LAMC2: variants seen among roughly 807,000 people sequenced by gnomAD.
LAMC2 encodes laminin subunit gamma-2.
Under a neutral mutation model 140.2 loss-of-function variants are expected in LAMC2, and 97 were observed. The observed-to-expected ratio is 0.69, with a 90% CI of 0.59 to 0.82. The LOEUF (loss-of-function observed/expected upper bound fraction) is 0.82, where lower values mean the gene tolerates loss of function less well. Among genes scored for constraint, LAMC2 ranks in the 40% least tolerant of loss-of-function variants. LAMC2 has a pLI of 0.00. For missense variants in LAMC2, 1,402 were observed against 1,476.1 expected (o/e 0.95, Z 0.82); for synonymous variants, 513 against 540.2 (o/e 0.95, Z 0.70).
In LAMC2 at chr1:183,215,515, G is replaced by T. The variant is rs12065473; in HGVS notation, c.331G>T (p.Ala111Ser). ...RCSCKPGVTG[A>S]RCDRCLPGFH... ...CAGCTGTAAACCAGGTGTGACAGGAGCCAGATGCGACCGATGTCTGCCAGG... is the reference window on the plus strand; with the variant it reads ...CAGCTGTAAACCAGGTGTGACAGGATCCAGATGCGACCGATGTCTGCCAGG... Residue 111 changes from alanine (A) to serine (S), a missense_variant, in exon 3 of 23, where the codon GCC (alanine) becomes TCC (serine). Physicochemically the swap from Ala to Ser is moderately conservative, Grantham distance 99. This residue lies in a region of LAMC2 where 723 missense variants were observed against 783.3 expected (regional missense o/e 0.92). Transcript: ENST00000264144. 6.2e-7 allele frequency: 1 copy of T among 1,614,132 alleles called. No individual in the cohort carries two copies.
downstream of LAMC2, among the ~76,000 whole-genome samples, chr1:183,246,169 C>CAAA (rs542775179): frequency 2.6e-5 from 2 of 75,680 alleles, no homozygotes; most frequent in African/African-American, 8.5e-5. Flanking sequence ...GACTCCGTCT[C>CAAA]AAAAAAAAAA....
At position 183,237,571 on chromosome 1, in the gene LAMC2, G is replaced by T. The variant is rs1660005433; in HGVS notation, c.2754+67G>T. 2.8e-6 allele frequency: 4 copies of T among 1,404,830 alleles called. No individual in the cohort carries two copies. In the East Asian group the frequency reaches 9.3e-5, roughly 33 times the overall value. 87.0% of individuals were successfully genotyped at this position (1,404,830 alleles called of 1,614,324 possible). The stretch of plus-strand genomic sequence containing the variant: ...AATGCCCACCATATGAATAAATATG[G>T]CAAGAAGAATAATCAAAAGCTCTCT... On this transcript the variant is annotated intron_variant, in intron 18 of 22. Coordinates refer to ENST00000264144, the MANE Select transcript of LAMC2 (RefSeq NM_005562.3).
the LAMC2 span, chr1:183,252,472 G>C: frequency 8.2e-6 from 5 of 606,610 alleles, no homozygotes; most frequent in East Asian, 1.4e-4. Context: ...AGATGACTGT[G>C]GAATAGGGAA....
intron 1 of LAMC2, among the ~76,000 whole-genome samples, chr1:183,200,849 A>G (rs1449800873): frequency 6.6e-6 from 1 of 152,162 alleles, no homozygotes; most frequent in Non-Finnish European, 1.5e-5. Flanking sequence ...CCTAAGAAGC[A>G]CCTTGAGGGT....
chr1:183,215,661 G>A, intron 3 of LAMC2, 73 bp downstream of exon 3: 1 of 1,571,956 alleles, frequency 6.4e-7, no homozygotes, highest in Admixed American at 1.7e-5. Flanking sequence ...GCAAACACTT[G>A]TATTTACTGA....
At chr1:183,209,879 G>A (rs1659020441) in intron 2 of LAMC2, among the ~76,000 whole-genome samples, 1 of 152,140 alleles carries the variant, frequency 6.6e-6, no homozygotes, top group African/African-American at 2.4e-5. Context: ...AGTGGTAAGG[G>A]CAAGTGAAAC....
chr1:183,238,260 A>C (rs1175055798), intron 18 of LAMC2, 47 bp from the exon 19 acceptor site: 1 of 1,377,526 alleles, frequency 7.3e-7, no homozygotes, highest in African/African-American at 1.4e-5. Flanking sequence ...TGATTTTGCC[A>C]GCAGGAATGT....
At chr1:183,215,338 G>T in intron 2 of LAMC2, 115 bp from the exon 3 acceptor site, 1 of 1,146,576 alleles carries the variant, frequency 8.7e-7, no homozygotes, top group Non-Finnish European at 1.3e-6. Context: ...AGCAGCAGAT[G>T]GTGCTTCTTA....
downstream of LAMC2, chr1:183,248,995 C>T (rs879030653): frequency 6.7e-6 from 1 of 148,834 alleles, no homozygotes; most frequent in South Asian, 2.2e-4. Flanking sequence ...TAATTCTCTG[C>T]CTTTTGCTGT....
In LAMC2 at chr1:183,232,870, T is replaced by G; in HGVS notation, c.2220+13T>G. 6.2e-7 allele frequency: 1 copy of G among 1,613,356 alleles called. No homozygotes were observed. Among genetic ancestry groups the G allele is most frequent in the Non-Finnish European group, 8.5e-7 (1 of 1,179,324 alleles). ...CTTGGGAAACACTGTAGGTTTTTGCTGGGCTAGAGTATTGAGAATACTGCT... is the reference window on the plus strand; with the variant it reads ...CTTGGGAAACACTGTAGGTTTTTGCGGGGCTAGAGTATTGAGAATACTGCT... On this transcript the variant is annotated intron_variant, in intron 14 of 22. Transcript: ENST00000264144.
chr1:183,222,345 C>T (rs954017696), intron 6 of LAMC2, 134 bp downstream of exon 6: 1 of 909,380 alleles, frequency 1.1e-6, no homozygotes, highest in Non-Finnish European at 1.8e-6. Context: ...GTAGTGCAAC[C>T]CCAGAAGAGA....
chr1:183,238,530 A>T (rs1660035264), intron 19 of LAMC2, 109 bp downstream of exon 19: 1 of 730,366 alleles, frequency 1.4e-6, no homozygotes, highest in Non-Finnish European at 2.5e-6. Context: ...TTGGGATATT[A>T]ATAGATCCTT....
chr1:183,227,710 G>A lies in LAMC2; in HGVS notation c.1468+13G>A. On this transcript the variant is annotated intron_variant, in intron 10 of 22. Transcript: ENST00000264144. The stretch of plus-strand genomic sequence containing the variant: ...CCCGGGGTCACCGGTAAGGCCATGG[G>A]TCTGCTCTGCCACCTGCCTCTTCCT... 6.2e-7 allele frequency: 1 copy of A among 1,613,214 alleles called. No homozygotes were observed. Among genetic ancestry groups the A allele is most frequent in the Non-Finnish European group, 8.5e-7 (1 of 1,179,222 alleles).
chr1:183,202,836 C>A (rs1016979057), intron 1 of LAMC2, among the ~76,000 whole-genome samples: 2 of 152,164 alleles, frequency 1.3e-5, no homozygotes, highest in Non-Finnish European at 2.9e-5. Context: ...GCTGGGACAT[C>A]TGTTGGTTTT....
rs1434304608 is a variant in LAMC2, at chr1:183,228,711, T to G, written c.1714+92T>G. The G allele has an allele frequency of 6.5e-7, 1 of 1,538,324 alleles. No homozygotes were observed. Among genetic ancestry groups the G allele is most frequent in the Non-Finnish European group, 8.9e-7 (1 of 1,122,618 alleles). On this transcript the variant is annotated intron_variant, in intron 11 of 22. Transcript: ENST00000264144. The surrounding 1 kb of genome is among the most constrained non-coding windows in gnomAD (Gnocchi z 4.3). ...TAAGCAGGGACAATGGCAGTTCATA[T>G]CATGATGTTACTTTGATTCTCTGAC...
At chr1:183,227,880 G>A (rs1659679920) in intron 10 of LAMC2, among the ~76,000 whole-genome samples, 183 bp downstream of exon 10, 1 of 152,310 alleles carries the variant, frequency 6.6e-6, no homozygotes, top group East Asian at 1.9e-4. Context: ...AGGTGAAGTG[G>A]ATTAAGCAAG....
chr1:183,204,171 G>C (rs1658809456), intron 1 of LAMC2, among the ~76,000 whole-genome samples: 1 of 152,062 alleles, frequency 6.6e-6, no homozygotes, highest in Non-Finnish European at 1.5e-5. Flanking sequence ...TGCATCTGTG[G>C]TCCCAGCTAC....
chr1:183,222,032 TA>T, intron 5 of LAMC2, 56 bp from the exon 6 acceptor site: 1 of 1,611,686 alleles, frequency 6.2e-7, no homozygotes, highest in Non-Finnish European at 8.5e-7. Flanking sequence ...TTTCTTTGTT[TA>T]ACTTAATAGA....
In LAMC2 at chr1:183,237,377, A is replaced by C; in HGVS notation, c.2627A>C (p.Gln876Pro). The C allele has an allele frequency of 6.2e-7, 1 of 1,614,212 alleles. No individual in the cohort carries two copies. Among genetic ancestry groups the C allele is most frequent in the South Asian group, 1.1e-5 (1 of 91,084 alleles). ...FQVEEAKRIK[Q>P]KADSLSSLVT... is the part of the protein sequence containing the mutation. ...GTGGAAGAAGCAAAGAGGATCAAAC[A>C]AAAAGCGGATTCACTCTCAAGCCTG... The change falls in exon 18 of 23, where the codon CAA becomes CCA. Residue 876 changes from glutamine (Q) to proline (P), a missense_variant. This residue lies in a region of LAMC2 where 670 missense variants were observed against 667.2 expected (regional missense o/e 1.00). Transcript: ENST00000264144.
Sources: allele counts gnomAD v4.1 joint callset (sites outside exome capture counted in the v4.1 genomes callset), GRCh38; gene constraint gnomAD v4.1.1; regional missense constraint gnomAD v4.1.1; non-coding constraint Gnocchi (gnomAD v3.1); transcripts MANE v1.5; gene names NCBI Gene and HGNC (gene_info 2026-07-23, HGNC 2026-07-21).